The following RBM33 variants were observed in gnomAD, a reference collection of about 807,000 sequenced individuals.
RBM33 encodes the protein RNA-binding protein 33.
A neutral mutation model predicts 132.6 loss-of-function variants in RBM33; 28 were observed. That is an observed-to-expected ratio of 0.21 (90% CI 0.16 to 0.29). RBM33 has a LOEUF of 0.29. Ranked by LOEUF, RBM33 falls within the 10% of genes least tolerant of loss-of-function variation. The pLI, the probability that RBM33 is intolerant of heterozygous loss-of-function variation, is 1.00. For synonymous variants in RBM33, 634 were observed against 593.0 expected, an observed-to-expected ratio of 1.07 and a Z score of -1.01; for missense variants, 1,291 against 1,518.5, an observed-to-expected ratio of 0.85 and a Z score of 2.49.
intron 1 of RBM33, chr7:155,645,149 C>T: frequency 2.2e-6 from 1 of 444,930 alleles, no homozygotes; most frequent in Non-Finnish European, 4.0e-6. Flanking sequence ...TTCTGTGTGT[C>T]CTCTACTTTG....
At chr7:155,758,489 C>T (rs1490986016) in intron 14 of RBM33, among the ~76,000 whole-genome samples, 3 of 152,168 alleles carry the variant, frequency 2.0e-5, no homozygotes, top group Admixed American at 6.5e-5. Context: ...TTCATGCTCC[C>T]GTGAGAATGC....
chr7:155,697,969 T>C (rs1347815826), intron 5 of RBM33, among the ~76,000 whole-genome samples: 2 of 152,214 alleles, frequency 1.3e-5, no homozygotes, highest in African/African-American at 2.4e-5. Flanking sequence ...CATTTAAATG[T>C]TTACACAACA....
At chr7:155,657,875 T>A (rs375844729) in intron 1 of RBM33, among the ~76,000 whole-genome samples, 2 of 29,070 alleles carry the variant, frequency 6.9e-5, no homozygotes, top group East Asian at 2.1e-3. Context: ...CATTAAGAAC[T>A]ATTTTTTGGC....
chr7:155,694,912 T>C (rs1799749669), intron 5 of RBM33, among the ~76,000 whole-genome samples: 1 of 152,218 alleles, frequency 6.6e-6, no homozygotes, highest in Non-Finnish European at 1.5e-5. Flanking sequence ...CTCTTGGTTA[T>C]TAACAAGTAG....
chr7:155,677,989 G>A (rs1799231607), intron 3 of RBM33, among the ~76,000 whole-genome samples: 1 of 152,136 alleles, frequency 6.6e-6, no homozygotes, highest in South Asian at 2.1e-4. Context: ...AATCTAAGAT[G>A]CTCAAATATA....
intron 14 of RBM33, among the ~76,000 whole-genome samples, chr7:155,757,226 T>A (rs1468432997): frequency 6.6e-6 from 1 of 152,198 alleles, no homozygotes; most frequent in Non-Finnish European, 1.5e-5. Context: ...ACTACGCTCC[T>A]GGCCACAACC....
Position 155,774,279 on chromosome 7 carries a change from T to G in RBM33, c.3376-280T>G, listed in dbSNP as rs1277785691. 6.6e-6 allele frequency among the ~76,000 whole-genome samples: 1 copy of G among 152,184 alleles called. No homozygotes were observed. Among genetic ancestry groups the G allele is most frequent in the Admixed American group, 6.5e-5 (1 of 15,286 alleles). ...TGCTACCCGGTCTCCCAGAGCAGGT[T>G]GGGGCAGCTGATGGGGCCAGATGAT... is the stretch of plus-strand genomic sequence containing the variant. On this transcript the variant is annotated intron_variant, in intron 16 of 17. Coordinates refer to ENST00000401878, the MANE Select transcript of RBM33 (RefSeq NM_053043.3). This position sits in a 1 kb window ranked among gnomAD's most constrained non-coding sequence, Gnocchi z 4.2.
chr7:155,668,718 G>A (rs1798865928), intron 2 of RBM33, among the ~76,000 whole-genome samples: 1 of 152,184 alleles, frequency 6.6e-6, no homozygotes, highest in Non-Finnish European at 1.5e-5. Flanking sequence ...TGTTTACCAA[G>A]TTTCAAACTA....
chr7:155,668,616 C>T (rs1213514007), intron 2 of RBM33, among the ~76,000 whole-genome samples: 2 of 152,104 alleles, frequency 1.3e-5, no homozygotes, highest in Non-Finnish European at 2.9e-5. Context: ...TACTAGTACA[C>T]TAATATACTA....
intron 5 of RBM33, among the ~76,000 whole-genome samples, chr7:155,699,784 G>A (rs1365716918): frequency 6.6e-6 from 1 of 152,106 alleles, no homozygotes; most frequent in African/African-American, 2.4e-5. Context: ...AAATGATTGT[G>A]TCATTGGTTT....
Position 155,737,641 on chromosome 7 carries a change from C to T in RBM33, c.1372C>T (p.Arg458Ter). The change falls in exon 10 of 18, where the codon CGA becomes TGA. Residue 458 changes from arginine to a stop codon, truncating the protein, a stop_gained. Coordinates refer to ENST00000401878, the MANE Select transcript of RBM33 (RefSeq NM_053043.3). LOFTEE classifies it high-confidence loss of function. ...GAGAGCCCCACCCCCGCCTCAGGAT[C>T]GAGACCCTTTCTTCTTAGGAGGTAC... Reference protein sequence around the residue: ...QWRAPPPPQDRDPFFLGVSGE... With the variant: ...QWRAPPPPQD The T allele has an allele frequency of 6.3e-7, 1 of 1,594,496 alleles. No homozygotes were observed. The highest frequency in any genetic ancestry group is 8.5e-7 in the Non-Finnish European group (1 of 1,173,540).
chr7:155,736,473 C>T lies in RBM33; in HGVS notation c.1261-1057C>T, dbSNP rs1157055421. Among the ~76,000 whole-genome samples the T allele has an allele frequency of 2.6e-5, 4 of 152,144 alleles. No individual in the cohort carries two copies. In the East Asian group the frequency reaches 5.8e-4, roughly 22 times the overall value. ...CTTTATGCTGCTGCCTAGGTCAATACGGTGGTTTAAAAAAATCTCCATGAA... is the reference window on the plus strand; with the variant it reads ...CTTTATGCTGCTGCCTAGGTCAATATGGTGGTTTAAAAAAATCTCCATGAA... On this transcript the variant is annotated intron_variant, in intron 9 of 17. Transcript: ENST00000401878.
At chr7:155,721,297 C>T (rs946500686) in intron 9 of RBM33, among the ~76,000 whole-genome samples, 5 of 151,938 alleles carry the variant, frequency 3.3e-5, no homozygotes, top group African/African-American at 1.2e-4. Flanking sequence ...TGCAGAGAGG[C>T]GGGAGGGAGC....
chr7:155,645,160 C>G, intron 1 of RBM33: 1 of 427,084 alleles, frequency 2.3e-6, no homozygotes, highest in Non-Finnish European at 4.2e-6. Context: ...CTCTACTTTG[C>G]AAGGCTGCCT....
At chr7:155,760,066 A>G (rs1801985177) in intron 14 of RBM33, among the ~76,000 whole-genome samples, 1 of 152,214 alleles carries the variant, frequency 6.6e-6, no homozygotes. Flanking sequence ...AATCTCTCTT[A>G]GCACATTCAG....
intron 14 of RBM33, among the ~76,000 whole-genome samples, chr7:155,759,415 C>CTTTTT (rs58449648): frequency 2.0e-4 from 23 of 113,988 alleles, no homozygotes; most frequent in African/African-American, 3.2e-4. Flanking sequence ...TGTTTATGTT[C>CTTTTT]TTTTTTTTTT....
In RBM33 at chr7:155,766,597, C is replaced by G. The variant is rs1297009697; in HGVS notation, c.3317C>G (p.Ser1106Cys). The G allele has an allele frequency of 6.2e-7, 1 of 1,612,588 alleles. No homozygotes were observed. ...QPCVVSVEGLSSSTTDAQLKS... is the reference protein window; with the variant it reads ...QPCVVSVEGLCSSTTDAQLKS... ...TGCGTGGTGTCTGTGGAGGGGCTGT[C>G]CTCGTCCACCACGGATGCCCAGCTG... The change falls in exon 16 of 18, where the codon TCC becomes TGC. Residue 1106 changes from serine to cysteine, a missense_variant. Physicochemically the swap from Ser to Cys is moderately radical, Grantham distance 112. Around this residue, in one of 7 missense-constraint regions of RBM33, gnomAD observed 55 missense variants for 101.4 expected, o/e 0.54. Coordinates refer to ENST00000401878, the MANE Select transcript of RBM33 (RefSeq NM_053043.3).
At chr7:155,667,810 A>G (rs1798839863) in intron 2 of RBM33, among the ~76,000 whole-genome samples, 1 of 152,142 alleles carries the variant, frequency 6.6e-6, no homozygotes, top group African/African-American at 2.4e-5. Context: ...AAATAGCTAT[A>G]CAGTCTGCCT....
chr7:155,691,122 G>T (rs1051848548), intron 5 of RBM33, among the ~76,000 whole-genome samples: 1 of 152,034 alleles, frequency 6.6e-6, no homozygotes, highest in African/African-American at 2.4e-5. Flanking sequence ...ACGTAGATTT[G>T]GTCTTTTCAC....
Sources: gnomAD v4.1 joint callset for allele counts (sites outside exome capture counted in the v4.1 genomes callset) on GRCh38, gnomAD v4.1.1 for gene constraint, gnomAD v4.1.1 regional missense constraint, Gnocchi (gnomAD v3.1) non-coding constraint, MANE v1.5 for transcripts, NCBI Gene and HGNC (gene_info 2026-07-23, HGNC 2026-07-21) for gene names.